Variants in KIRREL1 observed in about 807,000 individuals in gnomAD.
The protein encoded by KIRREL1 is kin of IRRE-like protein 1.
A neutral mutation model predicts 83.3 loss-of-function variants in KIRREL1; 25 were observed. The observed-to-expected ratio is 0.30, with a 90% CI of 0.22 to 0.42. The LOEUF (loss-of-function observed/expected upper bound fraction) is 0.42, where lower values mean the gene tolerates loss of function less well. KIRREL1 is among the 10% of genes least tolerant of loss of function. KIRREL1 has a pLI of 1.00. For synonymous variants in KIRREL1, 388 were observed against 410.4 expected, an observed-to-expected ratio of 0.95 and a Z score of 0.66; for missense variants, 812 against 1,032.3, an observed-to-expected ratio of 0.79 and a Z score of 2.92.
At position 158,011,148 on chromosome 1, in the gene KIRREL1, A is replaced by G. The variant is rs191805136; in HGVS notation, c.52+17420A>G. Among the ~76,000 whole-genome samples, 155 of 152,296 alleles carry G rather than the reference A, an allele frequency of 1.0e-3. 1 individual carries two copies. Among genetic ancestry groups the G allele is most frequent in the African/African-American group, 3.7e-3 (152 of 41,576 alleles). ...CTCATGACCTCCTGTGTCTGACTGCAGATGGTTTACCGCCTCCGGAGAGCC... is the reference window on the plus strand; with the variant it reads ...CTCATGACCTCCTGTGTCTGACTGCGGATGGTTTACCGCCTCCGGAGAGCC... On this transcript the variant is annotated intron_variant, in intron 1 of 14. Coordinates refer to ENST00000359209, the MANE Select transcript of KIRREL1 (RefSeq NM_018240.7).
At chr1:158,017,859 C>T (rs1414625278) in intron 1 of KIRREL1, among the ~76,000 whole-genome samples, 1 of 146,698 alleles carries the variant, frequency 6.8e-6, no homozygotes, top group African/African-American at 2.5e-5. Flanking sequence ...GACAAAAGAT[C>T]CTTCAGAATT....
intron 10 of KIRREL1, 50 bp downstream of exon 10, chr1:158,089,868 C>G: frequency 6.7e-7 from 1 of 1,497,188 alleles, no homozygotes; most frequent in Non-Finnish European, 9.3e-7. Context: ...GCTTCTTTGC[C>G]CAGGCCCAGC....
At chr1:158,010,748 C>A (rs896397903) in intron 1 of KIRREL1, among the ~76,000 whole-genome samples, 5 of 152,102 alleles carry the variant, frequency 3.3e-5, no homozygotes, top group Non-Finnish European at 5.9e-5. Context: ...CCTGAGACAC[C>A]CAACCCCCTT....
At chr1:158,017,889 G>A (rs145183614) in intron 1 of KIRREL1, among the ~76,000 whole-genome samples, 5 of 148,138 alleles carry the variant, frequency 3.4e-5, no homozygotes, top group Non-Finnish European at 6.0e-5. Context: ...GAGGGGAAAA[G>A]AAAAAAAAAA....
At chr1:158,048,390 C>T (rs1307250584) in intron 1 of KIRREL1, among the ~76,000 whole-genome samples, 1 of 152,218 alleles carries the variant, frequency 6.6e-6, no homozygotes, top group Non-Finnish European at 1.5e-5. Flanking sequence ...AGTGGCCATG[C>T]TTAGCTGCTG....
chr1:158,053,675 C>T (rs1372479069), intron 1 of KIRREL1, among the ~76,000 whole-genome samples: 1 of 152,216 alleles, frequency 6.6e-6, no homozygotes, highest in Non-Finnish European at 1.5e-5. Flanking sequence ...CTCCTAAACA[C>T]CAGAGCTGAT....
At chr1:158,011,339 G>T (rs1331943143) in intron 1 of KIRREL1, among the ~76,000 whole-genome samples, 2 of 152,146 alleles carry the variant, frequency 1.3e-5, no homozygotes, top group Non-Finnish European at 2.9e-5. Flanking sequence ...ATTATGCCTT[G>T]GTCCCCTGCG....
intron 1 of KIRREL1, among the ~76,000 whole-genome samples, chr1:158,040,207 C>T (rs1295216907): frequency 4.6e-5 from 7 of 152,128 alleles, no homozygotes; most frequent in African/African-American, 1.7e-4. Flanking sequence ...TTATTGAGAC[C>T]CTTATGTAAG....
chr1:158,093,406 C>T lies in KIRREL1; in HGVS notation c.1539C>T (p.Phe513=). 1 of 1,614,256 alleles carries T rather than the reference C, an allele frequency of 6.2e-7. No homozygotes were observed. Among genetic ancestry groups the T allele is most frequent in the Non-Finnish European group, 8.5e-7 (1 of 1,180,042 alleles). Reference sequence around the variant, plus strand: ...CGAGCATCCTGCTCATCTTCTTCTTCATCGCCTTGGTATTCTTCCTCTACC... The same window carrying T: ...CGAGCATCCTGCTCATCTTCTTCTTTATCGCCTTGGTATTCTTCCTCTACC... ...IGASILLIFF[F]IALVFFLYRR... is the part of the protein sequence containing the mutation. Residue 513 remains phenylalanine, a synonymous_variant, in exon 12 of 15, where the codon TTC becomes TTT. Coordinates refer to ENST00000359209, the MANE Select transcript of KIRREL1 (RefSeq NM_018240.7).
At chr1:158,080,672 C>T (rs762058204) in intron 3 of KIRREL1, among the ~76,000 whole-genome samples, 4 of 152,130 alleles carry the variant, frequency 2.6e-5, no homozygotes, top group Non-Finnish European at 5.9e-5. Flanking sequence ...GGTGTCTCCT[C>T]GGGGCTCTAC....
At chr1:158,006,658 G>T (rs972592311) in intron 1 of KIRREL1, among the ~76,000 whole-genome samples, 1 of 152,198 alleles carries the variant, frequency 6.6e-6, no homozygotes, top group African/African-American at 2.4e-5. Context: ...GAGTCACTGT[G>T]CCCTTACCTG....
intron 1 of KIRREL1, among the ~76,000 whole-genome samples, chr1:158,029,380 C>T (rs1462835922): frequency 1.2e-4 from 5 of 41,552 alleles, no homozygotes; most frequent in Non-Finnish European, 2.5e-4. Flanking sequence ...CGTGCGCGCG[C>T]ATGCACACAT....
intron 1 of KIRREL1, among the ~76,000 whole-genome samples, chr1:158,049,310 C>A (rs796548692): frequency 3.3e-5 from 5 of 152,282 alleles, no homozygotes; most frequent in African/African-American, 1.2e-4. Context: ...TCAGGCAGGG[C>A]CCTTGGCTCA....
intron 1 of KIRREL1, among the ~76,000 whole-genome samples, chr1:158,046,449 A>T (rs1319650024): frequency 6.6e-6 from 1 of 152,120 alleles, no homozygotes; most frequent in Non-Finnish European, 1.5e-5. Context: ...GTCCAGTAAG[A>T]AGTTTGAGCG....
chr1:158,010,944 T>C (rs1012783824), intron 1 of KIRREL1, among the ~76,000 whole-genome samples: 1 of 152,086 alleles, frequency 6.6e-6, no homozygotes, highest in African/African-American at 2.4e-5. Context: ...AAAAGTGAAT[T>C]CCAGACATTT....
chr1:158,024,697 C>T (rs570514229), intron 1 of KIRREL1, among the ~76,000 whole-genome samples: 200 of 152,196 alleles, frequency 1.3e-3, no homozygotes, highest in Non-Finnish European at 2.3e-3. Context: ...GAAAACATAA[C>T]GGTTTATAGA....
At chr1:158,025,822 C>G (rs1660153171) in intron 1 of KIRREL1, 1 of 151,690 alleles carries the variant, frequency 6.6e-6, no homozygotes, top group Non-Finnish European at 1.5e-5. Context: ...TTCCCACTCC[C>G]CAGGAGAGGC....
intron 10 of KIRREL1, among the ~76,000 whole-genome samples, chr1:158,090,505 G>T (rs546732141): frequency 2.0e-5 from 3 of 152,134 alleles, no homozygotes; most frequent in South Asian, 2.1e-4. Context: ...TACCACGGCC[G>T]CCCGGGCAGC....
intron 1 of KIRREL1, among the ~76,000 whole-genome samples, chr1:158,000,907 G>A (rs1659342846): frequency 6.6e-6 from 1 of 152,174 alleles, no homozygotes; most frequent in South Asian, 2.1e-4. Flanking sequence ...TAGTTTCCCA[G>A]GAGAGAATGC....
Sources: allele counts gnomAD v4.1 joint callset (sites outside exome capture counted in the v4.1 genomes callset), GRCh38; gene constraint gnomAD v4.1.1; transcripts MANE v1.5; gene names NCBI Gene and HGNC (gene_info 2026-07-23, HGNC 2026-07-21).